Variants in GLYATL2 observed in about 807,000 individuals in gnomAD.
GLYATL2 encodes the protein glycine N-acyltransferase-like protein 2.
A neutral mutation model predicts 21.4 loss-of-function variants in GLYATL2; 25 were observed. That is an observed-to-expected ratio of 1.17 (90% confidence interval 0.85 to 1.63). GLYATL2 has a LOEUF of 1.63. GLYATL2 is among the 40% of genes most tolerant of loss of function. GLYATL2 has a pLI of 0.00. For missense variants in GLYATL2, 361 were observed against 343.3 expected (o/e 1.05, Z -0.41); for synonymous variants, 114 against 118.2 (o/e 0.96, Z 0.23).
At chr11:58,835,190 C>T (rs980672983) in intron 5 of GLYATL2, among the ~76,000 whole-genome samples, 2 of 152,126 alleles carry the variant, frequency 1.3e-5, no homozygotes, top group African/African-American at 4.8e-5. Flanking sequence ...TTGAAAGATG[C>T]ATGTATGAAA....
At chr11:58,861,013 A>C (rs1369608030) in intron 1 of GLYATL2, among the ~76,000 whole-genome samples, 1 of 152,038 alleles carries the variant, frequency 6.6e-6, no homozygotes, top group Non-Finnish European at 1.5e-5. Flanking sequence ...TTAATATTTT[A>C]TTGATGCACC....
At chr11:58,905,725 T>A, upstream of GLYATL2, 1 of 183,844 alleles carries the variant, frequency 5.4e-6, no homozygotes, top group Non-Finnish European at 1.1e-5. Context: ...CCGGGATGGG[T>A]CATCTGGACA....
chr11:58,906,054 C>A (rs1285224207), upstream of GLYATL2, among the ~76,000 whole-genome samples: 2 of 152,166 alleles, frequency 1.3e-5, no homozygotes, highest in African/African-American at 2.4e-5. Flanking sequence ...CCAACACCTG[C>A]GAATCGGGAG....
At position 58,868,256 on chromosome 11, in the gene GLYATL2, T is replaced by G. The variant is rs1027930389; in HGVS notation, n.61-29888A>C. On this transcript the variant is annotated intron_variant and non_coding_transcript_variant, in intron 1 of 4. Transcript: ENST00000533636. ...GAAGTTGACCCTCTGGTCTTAGAGC[T>G]TGATACTTTCATTTGTTTTATATGA... 2.7e-5 allele frequency among the ~76,000 whole-genome samples: 4 copies of G among 148,846 alleles called. 1 individual carries two copies. Among genetic ancestry groups the G allele is most frequent in the Non-Finnish European group, 6.0e-5 (4 of 67,112 alleles).
intron 1 of GLYATL2, among the ~76,000 whole-genome samples, chr11:58,895,233 G>A (rs189461031): frequency 6.6e-5 from 10 of 152,310 alleles, no homozygotes; most frequent in African/African-American, 2.4e-4. Flanking sequence ...GAAAGCGTGG[G>A]AAAGAGGAAG....
intron 1 of GLYATL2, among the ~76,000 whole-genome samples, chr11:58,872,796 A>G (rs1565100447): frequency 6.6e-6 from 1 of 152,164 alleles, no homozygotes; most frequent in Non-Finnish European, 1.5e-5. Flanking sequence ...ATGAACTTTC[A>G]AGTAGTTTTT....
chr11:58,864,140 G>A (rs1853982439), intron 1 of GLYATL2, among the ~76,000 whole-genome samples: 1 of 152,072 alleles, frequency 6.6e-6, no homozygotes, highest in South Asian at 2.1e-4. Context: ...CTGGCGCTAG[G>A]CAGTCCTAGA....
upstream of GLYATL2, chr11:58,908,703 G>A (rs1854969533): frequency 6.6e-6 from 1 of 152,280 alleles, no homozygotes; most frequent in Admixed American, 6.5e-5. Context: ...ATAAGTGCTT[G>A]TGTAAAGCAA....
rs1216538192 is a variant in GLYATL2 at position 58,837,196 on chromosome 11, C to T, written c.314-19G>A. 1 of 1,613,192 alleles carries T rather than the reference C, an allele frequency of 6.2e-7. No homozygotes were observed. The highest frequency in any genetic ancestry group is 1.1e-5 in the South Asian group (1 of 90,880). On this transcript the variant is annotated intron_variant, in intron 4 of 5. Transcript: ENST00000287275. ...TGGCAACCTGGAGAAAGGAGAAAGA[C>T]AAGTACCACTTTATGCCTTCCATAT...
intron 1 of GLYATL2, among the ~76,000 whole-genome samples, chr11:58,883,896 T>C (rs1463267791): frequency 6.6e-6 from 1 of 152,226 alleles, no homozygotes; most frequent in East Asian, 1.9e-4. Context: ...ATCCCTGGGA[T>C]GCAAGGCTGA....
At chr11:58,852,348 A>G (rs1367053944) in intron 1 of GLYATL2, among the ~76,000 whole-genome samples, 5 of 152,260 alleles carry the variant, frequency 3.3e-5, no homozygotes, top group African/African-American at 7.2e-5. Context: ...TGCTATGGAC[A>G]TTCAATTAAA....
upstream of GLYATL2, among the ~76,000 whole-genome samples, chr11:58,845,519 C>T (rs187938578): frequency 2.0e-5 from 3 of 152,154 alleles, no homozygotes; most frequent in Admixed American, 6.5e-5. Flanking sequence ...GGAAAGATTA[C>T]GTGAGCCCAG....
rs182565789 is a variant in GLYATL2, at chr11:58,882,919, A to G, written n.60+21237T>C. Among the ~76,000 whole-genome samples the G allele has an allele frequency of 4.7e-3, 714 of 152,202 alleles. 6 individuals are homozygous for G. The highest frequency in any genetic ancestry group is 0.016 in the African/African-American group (678 of 41,532). On this transcript the variant is annotated intron_variant and non_coding_transcript_variant, in intron 1 of 4. Transcript: ENST00000533636. ...AGGCTCTGTTCTGTTCCATTGGTCT[A>G]TATCTCTGTTTTGGTGCCATGCTGT...
intron 1 of GLYATL2, among the ~76,000 whole-genome samples, chr11:58,903,321 T>C (rs1385454990): frequency 6.6e-6 from 1 of 152,146 alleles, no homozygotes; most frequent in Non-Finnish European, 1.5e-5. Context: ...TATTTATCAT[T>C]TGCCATGATC....
intron 1 of GLYATL2, among the ~76,000 whole-genome samples, chr11:58,871,179 G>A (rs1396915524): frequency 1.3e-5 from 2 of 152,162 alleles, no homozygotes; most frequent in Non-Finnish European, 2.9e-5. Flanking sequence ...ATGTCAAACA[G>A]GCCATTAGAT....
intron 1 of GLYATL2, among the ~76,000 whole-genome samples, chr11:58,858,269 C>G (rs1853867769): frequency 6.6e-6 from 1 of 152,164 alleles, no homozygotes; most frequent in African/African-American, 2.4e-5. Flanking sequence ...GGAGATGAGC[C>G]TACTTTGGAA....
intron 1 of GLYATL2, among the ~76,000 whole-genome samples, chr11:58,851,506 G>T (rs1853740707): frequency 6.6e-6 from 1 of 151,902 alleles, no homozygotes; most frequent in African/African-American, 2.4e-5. Context: ...TTTTGTTGAG[G>T]ATTTTTGCAT....
intron 1 of GLYATL2, among the ~76,000 whole-genome samples, chr11:58,842,290 A>G (rs2134577260): frequency 6.6e-6 from 1 of 152,338 alleles, no homozygotes; most frequent in Non-Finnish European, 1.5e-5. Context: ...ATGCAGATGC[A>G]GGTGTATGTA....
At chr11:58,852,180 CCTT>C (rs1853753591) in intron 1 of GLYATL2, among the ~76,000 whole-genome samples, 1 of 152,202 alleles carries the variant, frequency 6.6e-6, no homozygotes, top group Admixed American at 6.5e-5. Context: ...TAGGCTCACT[CCTT>C]CTAAACTCAG....
Sources: gnomAD v4.1 joint callset for allele counts (sites outside exome capture counted in the v4.1 genomes callset) on GRCh38, gnomAD v4.1.1 for gene constraint, MANE v1.5 for transcripts, NCBI Gene and HGNC (gene_info 2026-07-23, HGNC 2026-07-21) for gene names.